PDE4D: variants seen among roughly 807,000 people sequenced by gnomAD.
The protein encoded by PDE4D is phosphodiesterase 4D.
A neutral mutation model predicts 87.4 loss-of-function variants in PDE4D; 24 were observed. The ratio of observed to expected loss-of-function variants is 0.27; its 90% CI spans 0.20 to 0.39. The LOEUF (loss-of-function observed/expected upper bound fraction) is 0.39. PDE4D is among the 10% of genes least tolerant of loss of function. PDE4D has a pLI of 1.00. For missense variants in PDE4D, 714 were observed against 1,041.0 expected, an observed-to-expected ratio of 0.69 and a Z score of 4.32; for synonymous variants, 384 against 383.2, an observed-to-expected ratio of 1.00 and a Z score of -0.02.
chr5:60,125,726 T>C lies in PDE4D; in HGVS notation c.42+59831A>G, dbSNP rs7719467. ...TATTTGTTCACTGATAAATTCCCAG[T>C]ACCTAGAAGAATTTCTGGTACACAA... On this transcript the variant is annotated intron_variant, in intron 2 of 16. Transcript: ENST00000502484. Among the ~76,000 whole-genome samples, 1,314 of 152,316 alleles carry C rather than the reference T, an allele frequency of 8.6e-3. 15 individuals are homozygous for C. The highest frequency in any genetic ancestry group is 0.029 in the African/African-American group (1,212 of 41,580).
intron 1 of PDE4D, among the ~76,000 whole-genome samples, chr5:59,617,685 G>C (rs1040344961): frequency 2.6e-5 from 4 of 152,218 alleles, no homozygotes; most frequent in Admixed American, 6.5e-5. Context: ...GAAGCTACAA[G>C]AGAGAACTGG....
chr5:60,156,683 A>G (rs983739489), intron 2 of PDE4D, among the ~76,000 whole-genome samples: 2 of 152,128 alleles, frequency 1.3e-5, no homozygotes, highest in African/African-American at 4.8e-5. Context: ...AATCACCCAT[A>G]ATCTTACCTG....
At chr5:59,424,251 C>T (rs912214078) in intron 1 of PDE4D, among the ~76,000 whole-genome samples, 4 of 152,114 alleles carry the variant, frequency 2.6e-5, no homozygotes, top group Non-Finnish European at 5.9e-5. Context: ...TCTGTTACTG[C>T]TAATAATTTT....
chr5:59,922,916 T>C (rs1456118866), intron 3 of PDE4D, among the ~76,000 whole-genome samples: 2 of 152,098 alleles, frequency 1.3e-5, no homozygotes, highest in East Asian at 1.9e-4. Flanking sequence ...GGATCTCCCA[T>C]TCCAGGCCCT....
At chr5:59,106,014 T>A (rs1771521362) in intron 5 of PDE4D, among the ~76,000 whole-genome samples, 2 of 152,210 alleles carry the variant, frequency 1.3e-5, no homozygotes, top group Admixed American at 1.3e-4. Context: ...AATAGAAATA[T>A]AATCTTAGTT....
chr5:59,997,639 GC>G (rs1296515909), intron 2 of PDE4D, among the ~76,000 whole-genome samples: 1 of 152,100 alleles, frequency 6.6e-6, no homozygotes, highest in Non-Finnish European at 1.5e-5. Flanking sequence ...ATGTTGCTTT[GC>G]TTTTGGCTTT....
intron 2 of PDE4D, among the ~76,000 whole-genome samples, chr5:60,110,891 A>G (rs1172492530): frequency 6.6e-6 from 1 of 152,134 alleles, no homozygotes; most frequent in African/African-American, 2.4e-5. Flanking sequence ...GTTAAGTGAA[A>G]TAAGTCAGGC....
chr5:59,746,194 A>G (rs1438435824), intron 1 of PDE4D, among the ~76,000 whole-genome samples: 4 of 152,194 alleles, frequency 2.6e-5, no homozygotes, highest in Non-Finnish European at 5.9e-5. Flanking sequence ...GCAATTTCAT[A>G]TTAGAAAATC....
chr5:60,517,777 G>C (rs1192642637), intron 1 of PDE4D, among the ~76,000 whole-genome samples: 1 of 152,196 alleles, frequency 6.6e-6, no homozygotes, highest in Non-Finnish European at 1.5e-5. Context: ...TCACCCTCCA[G>C]TTGTCCCTGT....
chr5:60,116,170 G>A (rs1444469656), intron 2 of PDE4D, among the ~76,000 whole-genome samples: 3 of 152,132 alleles, frequency 2.0e-5, no homozygotes, highest in Non-Finnish European at 4.4e-5. Context: ...GAGGGCAAAC[G>A]ATGGATTATA....
intron 1 of PDE4D, among the ~76,000 whole-genome samples, chr5:59,620,699 C>T (rs1830247276): frequency 6.6e-6 from 1 of 152,118 alleles, no homozygotes; most frequent in Non-Finnish European, 1.5e-5. Flanking sequence ...GTGGGTAGAA[C>T]CAAAGCATGA....
chr5:60,185,662 T>C, exon 2 of PDE4D: 1 of 1,074,306 alleles, frequency 9.3e-7, no homozygotes, highest in South Asian at 1.4e-5. Flanking sequence ...TCACTGCACG[T>C]ATCCACTCAA....
intron 1 of PDE4D, chr5:59,797,209 A>G (rs1338258230): frequency 1.3e-5 from 2 of 152,168 alleles, no homozygotes; most frequent in African/African-American, 4.8e-5. Context: ...AACACTCTTA[A>G]GCAGGAAAAT....
chr5:59,599,778 T>C (rs959952151), intron 1 of PDE4D, among the ~76,000 whole-genome samples: 13 of 152,214 alleles, frequency 8.5e-5, no homozygotes, highest in African/African-American at 2.4e-4. Context: ...TGAGACTGGG[T>C]TGCTCTTCCC....
rs1156779452 is a variant in PDE4D at position 59,937,633 on chromosome 5, G to A, written c.272+50855C>T. ...AGAAAACTCTTCCCCTTCTTATAAG[G>A]CCACTAATCCTATTGAATTAAGACC... On this transcript the variant is annotated intron_variant, in intron 3 of 16. Transcript: ENST00000502484. 2.0e-5 allele frequency among the ~76,000 whole-genome samples: 3 copies of A among 152,126 alleles called. No individual in the cohort carries two copies. The East Asian group carries it at 5.8e-4, about 29-fold the overall frequency.
intron 1 of PDE4D, among the ~76,000 whole-genome samples, chr5:59,808,289 C>A (rs530976074): frequency 3.9e-5 from 6 of 152,310 alleles, no homozygotes; most frequent in African/African-American, 1.4e-4. Context: ...CCCTCTTCAA[C>A]AGAACTTTCT....
chr5:59,837,211 A>G (rs1742254938), intron 1 of PDE4D, among the ~76,000 whole-genome samples: 1 of 152,002 alleles, frequency 6.6e-6, no homozygotes, highest in Non-Finnish European at 1.5e-5. Flanking sequence ...CATTTATTCA[A>G]CACATATTTA....
chr5:59,696,223 T>C (rs897189891), intron 1 of PDE4D, among the ~76,000 whole-genome samples: 20 of 152,156 alleles, frequency 1.3e-4, no homozygotes, highest in Non-Finnish European at 2.5e-4. Flanking sequence ...TGAGATTATA[T>C]AGCCAAGAAT....
chr5:59,113,901 T>G (rs770875640), intron 5 of PDE4D, among the ~76,000 whole-genome samples: 3 of 152,202 alleles, frequency 2.0e-5, no homozygotes, highest in Non-Finnish European at 2.9e-5. Flanking sequence ...TAAATGGCAT[T>G]ACATATTGAG....
Sources: allele counts gnomAD v4.1 joint callset (sites outside exome capture counted in the v4.1 genomes callset), GRCh38; gene constraint gnomAD v4.1.1; transcripts MANE v1.5; gene names NCBI Gene and HGNC (gene_info 2026-07-23, HGNC 2026-07-21).